Variants in TNKS observed in about 807,000 individuals in gnomAD.
TNKS encodes poly [ADP-ribose] polymerase tankyrase-1.
Under a neutral mutation model 135.8 loss-of-function variants are expected in TNKS, and 72 were observed. That is an observed-to-expected ratio of 0.53 (90% CI 0.44 to 0.64). The LOEUF (loss-of-function observed/expected upper bound fraction) is 0.64. TNKS is among the 30% of genes least tolerant of loss of function. The pLI is 0.00. For synonymous variants in TNKS, 849 were observed against 649.3 expected (o/e 1.31, Z -4.68); for missense variants, 1,769 against 1,674.0 (o/e 1.06, Z -0.99).
intron 4 of TNKS, 98 bp downstream of exon 4, chr8:9,680,085 G>A: frequency 1.2e-6 from 1 of 866,346 alleles, no homozygotes; most frequent in Non-Finnish European, 1.9e-6. Context: ...TTATTGTCTT[G>A]CTTGGATTTT....
At chr8:9,688,938 G>A (rs1308406046) in intron 5 of TNKS, among the ~76,000 whole-genome samples, 2 of 150,636 alleles carry the variant, frequency 1.3e-5, no homozygotes, top group African/African-American at 2.5e-5. Flanking sequence ...ACTGTTCCCG[G>A]CCCAGCAAGT....
intron 2 of TNKS, among the ~76,000 whole-genome samples, chr8:9,610,938 T>C (rs765855791): frequency 9.5e-4 from 145 of 152,364 alleles, no homozygotes; most frequent in Non-Finnish European, 1.7e-3. Context: ...GCAATAATTA[T>C]GCAAATGCTT....
chr8:9,772,247 A>C (rs529110033), intron 26 of TNKS: 2 of 376,652 alleles, frequency 5.3e-6, no homozygotes, highest in South Asian at 4.0e-5. Flanking sequence ...TTACAGACTT[A>C]CTTTCAAAGG....
Position 9,779,026 on chromosome 8 carries a change from T to A in TNKS, c.*2290T>A, listed in dbSNP as rs1461252959. On this transcript the variant is annotated 3_prime_UTR_variant, in exon 27 of 27. Coordinates refer to ENST00000310430, the MANE Select transcript of TNKS (RefSeq NM_003747.3). Reference sequence around the variant, plus strand: ...ACTGCCAGTGTTATACGTCTCATGCTCTGTGTGCCAGGTGAAGGTACTGTG... The same window carrying A: ...ACTGCCAGTGTTATACGTCTCATGCACTGTGTGCCAGGTGAAGGTACTGTG... The A allele has an allele frequency of 6.6e-6, 1 of 152,350 alleles. No homozygotes were observed. The highest frequency in any genetic ancestry group is 1.5e-5 in the Non-Finnish European group (1 of 68,042). 9.4% of individuals were successfully genotyped at this position (152,350 alleles called of 1,614,324 possible).
At chr8:9,593,087 G>GC (rs1798646351) in intron 2 of TNKS, among the ~76,000 whole-genome samples, 1 of 152,138 alleles carries the variant, frequency 6.6e-6, no homozygotes, top group South Asian at 2.1e-4. Context: ...CCCATGAATT[G>GC]CCCCTCTTGG....
At chr8:9,571,507 G>C (rs1295945876) in intron 1 of TNKS, among the ~76,000 whole-genome samples, 1 of 152,098 alleles carries the variant, frequency 6.6e-6, no homozygotes, top group African/African-American at 2.4e-5. Flanking sequence ...GCCCAGGCTG[G>C]AGTGCAGTGG....
chr8:9,715,539 C>T (rs1349040191), intron 11 of TNKS, among the ~76,000 whole-genome samples: 1 of 152,000 alleles, frequency 6.6e-6, no homozygotes, highest in Non-Finnish European at 1.5e-5. Flanking sequence ...TCCCAGTACC[C>T]CCCATCTCCT....
intron 26 of TNKS, among the ~76,000 whole-genome samples, chr8:9,773,223 G>C (rs942666330): frequency 3.3e-5 from 5 of 151,914 alleles, no homozygotes; most frequent in African/African-American, 1.2e-4. Context: ...TATATGAATA[G>C]TCATCACTGT....
rs35433754 is a variant in TNKS, at chr8:9,556,383, G to A, written c.444G>A (p.Ser148=). The change falls in exon 1 of 27, where the codon TCG becomes TCA. Residue 148 remains serine, a synonymous_variant. Transcript: ENST00000310430. The part of the protein sequence containing the change: ...SSSSSPSSPG[S]SLAESPEAAG... ...CTTCCTCTCCATCCTCCCCTGGATC[G>A]AGCTTGGCGGAGAGCCCCGAGGCGG... 7,149 of 1,614,172 alleles carry A rather than the reference G, an allele frequency of 4.4e-3. 212 individuals are homozygous for A. In the African/African-American group the frequency reaches 0.072, roughly 16 times the overall value.
At chr8:9,771,303 G>A (rs796233279) in intron 26 of TNKS, among the ~76,000 whole-genome samples, 12 of 132,642 alleles carry the variant, frequency 9.0e-5, no homozygotes, top group African/African-American at 3.8e-4. Flanking sequence ...GAGGAGAGAG[G>A]AAGGAAGGAA....
chr8:9,749,370 C>T (rs1375103546), intron 18 of TNKS, among the ~76,000 whole-genome samples: 5 of 152,150 alleles, frequency 3.3e-5, no homozygotes, highest in Non-Finnish European at 5.9e-5. Context: ...TTATCAGGGC[C>T]ATCTACTCTG....
chr8:9,579,452 G>GTATT (rs1455239895), intron 1 of TNKS, among the ~76,000 whole-genome samples: 1 of 152,056 alleles, frequency 6.6e-6, no homozygotes, highest in Non-Finnish European at 1.5e-5. Context: ...GTTATCAGCA[G>GTATT]TATTTATTTA....
In TNKS at chr8:9,580,382, T is replaced by C. The variant is rs1222234215; in HGVS notation, c.897T>C (p.Ile299=). The C allele has an allele frequency of 6.2e-7, 1 of 1,612,908 alleles. No individual in the cohort carries two copies. Among genetic ancestry groups the C allele is most frequent in the Admixed American group, 1.7e-5 (1 of 60,006 alleles). The change falls in exon 2 of 27, where the codon ATT becomes ATC. Residue 299 remains isoleucine (I), a splice_region_variant and synonymous_variant. Transcript: ENST00000310430. The part of the protein sequence containing the change: ...AAIKGKIDVC[I]VLLQHGADPN... Reference sequence around the variant, plus strand: ...TTAAAGGGAAGATCGATGTGTGCATTGGTAAGTATCATTTGATGATATCTA... The same window carrying C: ...TTAAAGGGAAGATCGATGTGTGCATCGGTAAGTATCATTTGATGATATCTA...
At chr8:9,652,400 C>T (rs948412721) in intron 3 of TNKS, among the ~76,000 whole-genome samples, 1 of 152,108 alleles carries the variant, frequency 6.6e-6, no homozygotes, top group African/African-American at 2.4e-5. Flanking sequence ...TATTTAAGGC[C>T]CTGTCTTTTT....
chr8:9,663,047 C>T (rs55893352), intron 3 of TNKS, among the ~76,000 whole-genome samples: 4,655 of 152,196 alleles, frequency 0.031, 163 homozygotes, highest in African/African-American at 0.091. Context: ...GAATCAGAGA[C>T]GATCTGATGA....
chr8:9,615,400 T>A, intron 2 of TNKS, 182 bp from the exon 3 acceptor site: 1 of 462,134 alleles, frequency 2.2e-6, no homozygotes, highest in Non-Finnish European at 3.8e-6. Context: ...GTTGCCAACT[T>A]CATTTCACTC....
intron 5 of TNKS, among the ~76,000 whole-genome samples, chr8:9,697,342 A>G (rs1803565377): frequency 6.6e-6 from 1 of 152,202 alleles, no homozygotes. Context: ...TAAAACTATA[A>G]AAATTCTAGA....
intron 1 of TNKS, among the ~76,000 whole-genome samples, chr8:9,560,188 G>C (rs1447423966): frequency 6.6e-6 from 1 of 152,018 alleles, no homozygotes; most frequent in Non-Finnish European, 1.5e-5. Context: ...ATATTCTGAA[G>C]ACGTCTCTTT....
intron 3 of TNKS, among the ~76,000 whole-genome samples, chr8:9,629,094 C>T (rs1400346319): frequency 6.6e-6 from 1 of 152,226 alleles, no homozygotes; most frequent in Non-Finnish European, 1.5e-5. Flanking sequence ...CTAGGTCTCA[C>T]CAACGTGTAG....
Sources: allele counts gnomAD v4.1 joint callset (sites outside exome capture counted in the v4.1 genomes callset), GRCh38; gene constraint gnomAD v4.1.1; transcripts MANE v1.5; gene names NCBI Gene and HGNC (gene_info 2026-07-23, HGNC 2026-07-21).